CHD2: variants seen among roughly 807,000 people sequenced by gnomAD.
CHD2 encodes the protein chromodomain helicase DNA binding protein 2, also known as ATP-dependent chromatin remodeler CHD2.
CHD2 carries 28 observed loss-of-function variants against 243.9 expected under a neutral mutation model. The ratio of observed to expected loss-of-function variants is 0.11; its 90% CI spans 0.09 to 0.16. CHD2 has a LOEUF of 0.16. Ranked by LOEUF, CHD2 falls within the 10% of genes least tolerant of loss-of-function variation. The probability of loss-of-function intolerance (pLI) is 1.00; values close to 1 mark genes in which losing one functional copy is unlikely to be tolerated. For missense variants in CHD2, 1,386 were observed against 2,209.8 expected, an observed-to-expected ratio of 0.63 and a Z score of 7.47; for synonymous variants, 775 against 779.0, an observed-to-expected ratio of 0.99 and a Z score of 0.09.
chr15:92,933,578 T>C (rs2053214599), intron 5 of CHD2, among the ~76,000 whole-genome samples: 1 of 152,226 alleles, frequency 6.6e-6, no homozygotes, highest in South Asian at 2.1e-4. Context: ...TATAAGATTT[T>C]TGTTGACTTC....
chr15:93,011,753 G>C (rs1309301414), intron 35 of CHD2, among the ~76,000 whole-genome samples: 1 of 152,160 alleles, frequency 6.6e-6, no homozygotes, highest in Admixed American at 6.5e-5. Flanking sequence ...TGAACATAAT[G>C]GAATTGGAGG....
intron 7 of CHD2, among the ~76,000 whole-genome samples, chr15:92,941,360 T>C (rs962466083): frequency 1.3e-5 from 2 of 152,104 alleles, no homozygotes; most frequent in African/African-American, 2.4e-5. Flanking sequence ...AATACTTAAA[T>C]TTCATATTCT....
intron 2 of CHD2, chr15:92,905,102 G>C: frequency 9.3e-7 from 1 of 1,072,326 alleles, no homozygotes; most frequent in Non-Finnish European, 1.3e-6. Context: ...TTAAAAAGTG[G>C]CAGAATACAG....
chr15:92,956,034 T>C (rs1358429946), intron 15 of CHD2, among the ~76,000 whole-genome samples: 1 of 152,232 alleles, frequency 6.6e-6, no homozygotes, highest in African/African-American at 2.4e-5. Context: ...GGTAGGTAGA[T>C]CCCATTGGTA....
chr15:92,938,711 A>G (rs1012628805), intron 6 of CHD2, among the ~76,000 whole-genome samples: 1 of 152,256 alleles, frequency 6.6e-6, no homozygotes, highest in Non-Finnish European at 1.5e-5. Flanking sequence ...TGAGAGAAAG[A>G]GATAATAAAT....
chr15:92,975,045 T>A, intron 20 of CHD2, 95 bp downstream of exon 20: 1 of 974,896 alleles, frequency 1.0e-6, no homozygotes, highest in Non-Finnish European at 1.6e-6. Context: ...AGAAACAATT[T>A]ATAGTGCAAT....
chr15:92,982,014 T>A (rs970618396), intron 24 of CHD2, among the ~76,000 whole-genome samples: 1 of 151,818 alleles, frequency 6.6e-6, no homozygotes, highest in Admixed American at 6.6e-5. Context: ...AGTGAAAGAG[T>A]ACAGGGATGC....
At position 92,979,091 on chromosome 15, in the gene CHD2, G is replaced by A. The variant is rs758994311; in HGVS notation, c.2728-44G>A. 161 of 1,590,434 alleles carry A rather than the reference G, an allele frequency of 1.0e-4. 1 individual carries two copies. The South Asian group carries it at 1.7e-3, about 17-fold the overall frequency. On this transcript the variant is annotated intron_variant, in intron 21 of 38. Transcript: ENST00000394196. ...CCTTCTCTCTTTTTTTGGGGGGGTT[G>A]GGGGGTGGTTCAGGCATAAGCATAA...
intron 5 of CHD2, among the ~76,000 whole-genome samples, chr15:92,932,782 G>T (rs2053195544): frequency 6.6e-6 from 1 of 152,098 alleles, no homozygotes; most frequent in Admixed American, 6.5e-5. Flanking sequence ...TTTTGGGATG[G>T]ACTCTCGCTC....
At position 92,984,413 on chromosome 15, in the gene CHD2, A is replaced by T. The variant is rs1261637857; in HGVS notation, c.3150A>T (p.Glu1050Asp). The T allele has an allele frequency of 6.2e-7, 1 of 1,613,016 alleles. No individual in the cohort carries two copies. Among genetic ancestry groups the T allele is most frequent in the African/African-American group, 1.3e-5 (1 of 74,866 alleles). ...ACTGGGATGAGATCATTCCAGAGGA[A>T]CAAAGGAAAAAAGTAGAGGAGGAAG... ...HKDWDEIIPE[E>D]QRKKVEEEER... Residue 1050 changes from glutamate (E) to aspartate (D), a missense_variant, in exon 25 of 39, where the codon GAA (glutamate) becomes GAT (aspartate). Coordinates refer to ENST00000394196, the MANE Select transcript of CHD2 (RefSeq NM_001271.4).
chr15:92,907,441 C>T (rs576721920), intron 2 of CHD2, among the ~76,000 whole-genome samples: 4 of 152,198 alleles, frequency 2.6e-5, no homozygotes, highest in Middle Eastern at 3.4e-3. Context: ...CAGAAGCATC[C>T]GGCTAAGGCA....
chr15:92,995,507 C>T (rs1005529671), intron 28 of CHD2, among the ~76,000 whole-genome samples: 1 of 152,080 alleles, frequency 6.6e-6, no homozygotes, highest in African/African-American at 2.4e-5. Flanking sequence ...TATTTTCCTT[C>T]TTACACAGAA....
Position 92,998,190 on chromosome 15 carries a change from G to T in CHD2, c.3886-309G>T. 1 of 1,051,868 alleles carries T rather than the reference G, an allele frequency of 9.5e-7. No homozygotes were observed. The highest frequency in any genetic ancestry group is 1.1e-6 in the Non-Finnish European group (1 of 871,794). The allele number at this position is 1,051,868 out of a possible 1,614,324, so 65.2% of individuals were successfully genotyped here. A position where few individuals can be genotyped will look rare whatever the true frequency, so the allele number is the denominator to read the frequency against. On this transcript the variant is annotated intron_variant, in intron 30 of 38. Transcript: ENST00000394196. This position sits in a 1 kb window ranked among gnomAD's most constrained non-coding sequence, Gnocchi z 5.1. ...CTCCTGGAAGGAGGAAATCCACGAC[G>T]GCTGGGATGCTCTAGCAGATGAAGC...
intron 2 of CHD2, among the ~76,000 whole-genome samples, chr15:92,916,649 G>C (rs565601558): frequency 6.6e-6 from 1 of 152,154 alleles, no homozygotes; most frequent in Non-Finnish European, 1.5e-5. Context: ...CAACTCCCAC[G>C]TTCAAGCGAT....
chr15:92,951,756 G>A (rs758726201), intron 13 of CHD2, among the ~76,000 whole-genome samples: 3 of 152,158 alleles, frequency 2.0e-5, no homozygotes, highest in East Asian at 1.9e-4. Context: ...ATACTACATC[G>A]TTTAAACTGT....
intron 16 of CHD2, among the ~76,000 whole-genome samples, chr15:92,966,529 A>G (rs949254929): frequency 6.6e-6 from 1 of 152,196 alleles, no homozygotes; most frequent in South Asian, 2.1e-4. Context: ...TGTCTACCCC[A>G]AAAGATCATA....
intron 16 of CHD2, among the ~76,000 whole-genome samples, chr15:92,960,641 C>G (rs2053672757): frequency 7.2e-6 from 1 of 139,810 alleles, no homozygotes; most frequent in Non-Finnish European, 1.5e-5. Flanking sequence ...GTGTTTGATA[C>G]TTTCTATGCA....
chr15:93,022,704 G>A (rs1201315829), intron 38 of CHD2, among the ~76,000 whole-genome samples: 1 of 152,204 alleles, frequency 6.6e-6, no homozygotes, highest in Admixed American at 6.5e-5. Context: ...GCCATGCCCT[G>A]TGAACTCTGG....
chr15:92,925,272 T>G (rs1247895793), intron 3 of CHD2, among the ~76,000 whole-genome samples: 1 of 152,190 alleles, frequency 6.6e-6, no homozygotes, highest in Non-Finnish European at 1.5e-5. Flanking sequence ...TACACCTCCT[T>G]TTCACATGGT....
Sources: allele counts gnomAD v4.1 joint callset (sites outside exome capture counted in the v4.1 genomes callset), GRCh38; gene constraint gnomAD v4.1.1; non-coding constraint Gnocchi (gnomAD v3.1); transcripts MANE v1.5; gene names NCBI Gene and HGNC (gene_info 2026-07-23, HGNC 2026-07-21).